The following CDH23 variants were observed in gnomAD, a reference collection of about 807,000 sequenced individuals.
The protein encoded by CDH23 is cadherin-23.
A neutral mutation model predicts 317.1 loss-of-function variants in CDH23; 189 were observed. That is an observed-to-expected ratio of 0.60 (90% CI 0.53 to 0.67). CDH23 has a LOEUF of 0.67. CDH23 is among the 30% of genes least tolerant of loss of function. The pLI is 0.00. For missense variants in CDH23, 4,401 were observed against 4,592.4 expected, an observed-to-expected ratio of 0.96 and a Z score of 1.20; for synonymous variants, 1,839 against 1,876.8, an observed-to-expected ratio of 0.98 and a Z score of 0.52.
Position 71,606,438 on chromosome 10 carries a change from T to C in CDH23, c.833-9066T>C, listed in dbSNP as rs192102706. Among the ~76,000 whole-genome samples, 10 of 152,332 alleles carry C rather than the reference T, an allele frequency of 6.6e-5. No individual in the cohort carries two copies. The East Asian group carries it at 9.7e-4, about 15-fold the overall frequency. On this transcript the variant is annotated intron_variant, in intron 9 of 69. Coordinates refer to ENST00000224721, the MANE Select transcript of CDH23 (RefSeq NM_022124.6). Reference sequence around the variant, plus strand: ...CTCGTGGGCCCTAGTGCAGCTGTGGTGTCTTTATGATGTGTGACATCAGGA... The same window carrying C: ...CTCGTGGGCCCTAGTGCAGCTGTGGCGTCTTTATGATGTGTGACATCAGGA...
intron 36 of CDH23, among the ~76,000 whole-genome samples, chr10:71,740,545 G>C (rs759684650): frequency 1.2e-4 from 19 of 152,226 alleles, no homozygotes; most frequent in Non-Finnish European, 1.9e-4. Context: ...GGAGGTCAAG[G>C]CTTGGGTACA....
At chr10:71,624,185 C>T (rs1385066599) in intron 11 of CDH23, among the ~76,000 whole-genome samples, 2 of 152,194 alleles carry the variant, frequency 1.3e-5, no homozygotes, top group Non-Finnish European at 2.9e-5. Flanking sequence ...GACTCGGTTC[C>T]GGCAAACCCA....
intron 56 of CDH23, 64 bp from the exon 57 acceptor site, chr10:71,806,104 G>A (rs1217525916): frequency 6.5e-7 from 1 of 1,530,756 alleles, no homozygotes; most frequent in South Asian, 1.2e-5. Context: ...ACTGGCCACC[G>A]GGAAGTCCCC....
At chr10:71,494,322 G>T (rs752479793) in intron 3 of CDH23, among the ~76,000 whole-genome samples, 1 of 152,136 alleles carries the variant, frequency 6.6e-6, no homozygotes, top group African/African-American at 2.4e-5. Context: ...CCTGCTTTTT[G>T]TCTATGTCTT....
At chr10:71,434,631 G>T (rs1380913017) in intron 1 of CDH23, among the ~76,000 whole-genome samples, 4 of 152,216 alleles carry the variant, frequency 2.6e-5, no homozygotes, top group Non-Finnish European at 5.9e-5. Flanking sequence ...GGTCTGAGCA[G>T]CAGGTCTTCC....
At position 71,778,392 on chromosome 10, in the gene CDH23, TA is replaced by T. The variant is rs149057462; in HGVS notation, c.5187+85del. 3,417 of 1,544,442 alleles carry T rather than the reference TA, an allele frequency of 2.2e-3. 5 individuals are homozygous for T. The highest frequency in any genetic ancestry group is 2.7e-3 in the Non-Finnish European group (3,073 of 1,131,912). ...AGAAAGCTCCGATGCGGGAAGGGGT[TA>T]GGGGAAGATTGTCTGAGGGAAATGC... On this transcript the variant is annotated intron_variant, in intron 40 of 69. Transcript: ENST00000224721.
At chr10:71,649,381 A>C (rs1205215494) in intron 14 of CDH23, among the ~76,000 whole-genome samples, 4 of 152,256 alleles carry the variant, frequency 2.6e-5, no homozygotes, top group African/African-American at 4.8e-5. Context: ...AAATGTTTTA[A>C]TATGCAATGA....
At chr10:71,809,149 TTTG>T (rs956055390) in intron 60 of CDH23, among the ~76,000 whole-genome samples, 32 of 150,860 alleles carry the variant, frequency 2.1e-4, no homozygotes, top group African/African-American at 7.1e-4. Flanking sequence ...TTCTATGGGT[TTTG>T]TTGTTTTCTT....
At chr10:71,782,806 C>A (rs1840991757) in intron 41 of CDH23, among the ~76,000 whole-genome samples, 1 of 152,230 alleles carries the variant, frequency 6.6e-6, no homozygotes. Context: ...TCAGGAAATC[C>A]TGCTTTAAGC....
chr10:71,797,573 G>A (rs1841435913), intron 49 of CDH23, among the ~76,000 whole-genome samples: 1 of 152,220 alleles, frequency 6.6e-6, no homozygotes, highest in Non-Finnish European at 1.5e-5. Context: ...ACCAGGGTGT[G>A]GGTAGGATGT....
chr10:71,799,249 A>G lies in CDH23; in HGVS notation c.7193A>G (p.Asn2398Ser). The change falls in exon 51 of 70, where the codon AAC becomes AGC. Residue 2398 changes from asparagine to serine, a missense_variant. This residue lies in a region of CDH23 where 189 missense variants were observed against 250.9 expected (regional missense o/e 0.75). Coordinates refer to ENST00000224721, the MANE Select transcript of CDH23 (RefSeq NM_022124.6). ...CTGGAAATCGTGGACATCAATGACA[A>G]CAACCCCATCTTTGACCAGCCCTCC... ...VYLEIVDIND[N>S]NPIFDQPSYQ... The G allele has an allele frequency of 6.2e-7, 1 of 1,614,064 alleles. No individual in the cohort carries two copies. Among genetic ancestry groups the G allele is most frequent in the Non-Finnish European group, 8.5e-7 (1 of 1,179,900 alleles).
intron 32 of CDH23, 91 bp downstream of exon 32, chr10:71,732,466 C>T: frequency 6.6e-7 from 1 of 1,512,658 alleles, no homozygotes; most frequent in South Asian, 1.2e-5. Context: ...TCCTCTTTGT[C>T]ATAAAATGTC....
intron 30 of CDH23, among the ~76,000 whole-genome samples, chr10:71,728,020 C>CT (rs1866892713): frequency 1.3e-5 from 2 of 152,294 alleles, no homozygotes; most frequent in South Asian, 4.1e-4. Context: ...TGCCACCTCT[C>CT]TCATCTTGTC....
chr10:71,491,853 C>T (rs765582011), intron 3 of CDH23, among the ~76,000 whole-genome samples: 4 of 152,150 alleles, frequency 2.6e-5, no homozygotes, highest in Non-Finnish European at 5.9e-5. Context: ...GGTCTAAGGC[C>T]CTGTTCAGCT....
At chr10:71,813,477 T>C in intron 69 of CDH23, 129 bp downstream of exon 69, 1 of 805,160 alleles carries the variant, frequency 1.2e-6, no homozygotes, top group Non-Finnish European at 2.0e-6. Flanking sequence ...CAGCAATGGG[T>C]GGGGGCCAGG....
intron 6 of CDH23, among the ~76,000 whole-genome samples, chr10:71,529,938 C>A (rs1477378329): frequency 6.6e-6 from 1 of 152,030 alleles, no homozygotes; most frequent in African/African-American, 2.4e-5. Flanking sequence ...CTGACCCACC[C>A]ACCCCAGCCT....
intron 34 of CDH23, among the ~76,000 whole-genome samples, chr10:71,737,377 C>T (rs763147426): frequency 5.9e-5 from 9 of 152,208 alleles, no homozygotes; most frequent in African/African-American, 1.9e-4. Flanking sequence ...TTTCCAAAAT[C>T]GTGCAGCTCA....
At chr10:71,403,392 TTTCTTTCTTTCTTTCTCTTCCTTC>T (rs1564558105) in intron 1 of CDH23, among the ~76,000 whole-genome samples, 12 of 108,732 alleles carry the variant, frequency 1.1e-4, no homozygotes, top group African/African-American at 3.5e-4. Context: ...TCTTTCTTTC[TTTCTTTCTTTCTTTCTCTTCCTTC>T]CTTCCTTCCT....
At chr10:71,561,905 G>A (rs967190625) in intron 6 of CDH23, among the ~76,000 whole-genome samples, 3 of 152,228 alleles carry the variant, frequency 2.0e-5, no homozygotes, top group South Asian at 2.1e-4. Context: ...GGGTCAAGAG[G>A]CCTCCCTCAG....
Sources: allele counts gnomAD v4.1 joint callset (sites outside exome capture counted in the v4.1 genomes callset), GRCh38; gene constraint gnomAD v4.1.1; regional missense constraint gnomAD v4.1.1; transcripts MANE v1.5; gene names NCBI Gene and HGNC (gene_info 2026-07-23, HGNC 2026-07-21).